XKR9: variants seen among roughly 807,000 people sequenced by gnomAD.
XKR9 encodes XK-related protein 9.
XKR9 carries 32 observed loss-of-function variants against 32.0 expected under a neutral mutation model. The observed-to-expected ratio is 1.00, with a 90% confidence interval of 0.76 to 1.34. XKR9 has a LOEUF of 1.34. Ranked by LOEUF, XKR9 falls within the 40% of genes most tolerant of loss-of-function variation. The probability of loss-of-function intolerance (pLI) is 0.00; values close to 1 mark genes in which losing one functional copy is unlikely to be tolerated. For missense variants in XKR9, 546 were observed against 429.7 expected (o/e 1.27, Z -2.39); for synonymous variants, 168 against 143.4 (o/e 1.17, Z -1.22).
At chr8:70,815,171 T>G in the XKR9 span, among the ~76,000 whole-genome samples, 2 of 151,756 alleles carry the variant, frequency 1.3e-5, no homozygotes, top group African/African-American at 4.8e-5. Flanking sequence ...TTATTTTTAA[T>G]TTTTTTAACT....
rs930598325 is a variant in XKR9, at chr8:70,696,852, A to C, written c.273-10081A>C. Among the ~76,000 whole-genome samples the C allele has an allele frequency of 1.0e-3, 150 of 150,720 alleles. 1 individual carries two copies. The highest frequency in any genetic ancestry group is 6.8e-3 in the Middle Eastern group (2 of 294). Reference sequence around the variant, plus strand: ...CTTCCGTTTGTTTGTATCCTCTTTTATTTCATTGAGCAGTGGTTTGTAGTT... The same window carrying C: ...CTTCCGTTTGTTTGTATCCTCTTTTCTTTCATTGAGCAGTGGTTTGTAGTT... On this transcript the variant is annotated intron_variant, in intron 3 of 4. Coordinates refer to ENST00000408926, the MANE Select transcript of XKR9 (RefSeq NM_001011720.2).
the XKR9 span, among the ~76,000 whole-genome samples, chr8:70,813,709 C>T: frequency 2.0e-5 from 3 of 152,282 alleles, no homozygotes; most frequent in South Asian, 6.2e-4. Flanking sequence ...TCATCACTGG[C>T]CGTCAGAGAA....
intron 4 of XKR9, among the ~76,000 whole-genome samples, chr8:70,718,604 G>A (rs1471278070): frequency 1.3e-5 from 2 of 152,120 alleles, no homozygotes; most frequent in African/African-American, 4.8e-5. Context: ...AGTTTGCTGA[G>A]AATGATGGTT....
At chr8:71,042,488 A>G in the XKR9 span, among the ~76,000 whole-genome samples, 2 of 152,152 alleles carry the variant, frequency 1.3e-5, no homozygotes, top group African/African-American at 4.8e-5. Flanking sequence ...TAAGATTAGG[A>G]TAGTAACAGT....
intron 4 of XKR9, among the ~76,000 whole-genome samples, chr8:70,718,582 T>C (rs1443626882): frequency 6.6e-6 from 1 of 152,188 alleles, no homozygotes; most frequent in African/African-American, 2.4e-5. Flanking sequence ...TTTGGATTTC[T>C]CTTCCTGTGT....
At chr8:70,967,742 T>A in the XKR9 span, among the ~76,000 whole-genome samples, 3 of 152,222 alleles carry the variant, frequency 2.0e-5, no homozygotes, top group South Asian at 2.1e-4. Context: ...TTTTTTTTTT[T>A]AAGAATGTTG....
chr8:70,683,957 T>C (rs552764883), intron 3 of XKR9, among the ~76,000 whole-genome samples: 24 of 152,354 alleles, frequency 1.6e-4, no homozygotes, highest in Non-Finnish European at 2.9e-4. Context: ...TGAGTAGTTA[T>C]GTTCTCTCTG....
chr8:70,930,935 G>A, the XKR9 span, among the ~76,000 whole-genome samples: 5 of 152,146 alleles, frequency 3.3e-5, no homozygotes, highest in Non-Finnish European at 7.4e-5. Flanking sequence ...TTCTGGTGAA[G>A]AAGTTAGGGG....
intron 2 of XKR9, among the ~76,000 whole-genome samples, chr8:70,783,799 T>A (rs1807647538): frequency 6.6e-6 from 1 of 152,158 alleles, no homozygotes; most frequent in South Asian, 2.1e-4. Flanking sequence ...TGTTTTATAG[T>A]TTTTCTCCTA....
At chr8:71,034,223 G>C in the XKR9 span, among the ~76,000 whole-genome samples, 2 of 152,218 alleles carry the variant, frequency 1.3e-5, no homozygotes, top group East Asian at 3.9e-4. Flanking sequence ...TTAGATCATG[G>C]GGGTGGTCCC....
chr8:70,983,866 T>C, the XKR9 span, among the ~76,000 whole-genome samples: 2 of 151,644 alleles, frequency 1.3e-5, no homozygotes, highest in African/African-American at 4.9e-5. Flanking sequence ...ATAAATCAAT[T>C]GAACTTTTGC....
rs28751918 is a variant in XKR9, at chr8:70,683,803, T to G, written c.272+2473T>G. ...ATGTTCGGCCCTAGAATTACTTTAC[T>G]TCTGCCTTCCTGAGGTCTGCCTTTT... On this transcript the variant is annotated intron_variant, in intron 3 of 4. Coordinates refer to ENST00000408926, the MANE Select transcript of XKR9 (RefSeq NM_001011720.2). Among the ~76,000 whole-genome samples, 927 of 152,364 alleles carry G rather than the reference T, an allele frequency of 6.1e-3. 10 individuals carry two copies. The highest frequency in any genetic ancestry group is 0.021 in the African/African-American group (884 of 41,590).
chr8:70,906,128 C>A, the XKR9 span, among the ~76,000 whole-genome samples: 1 of 152,160 alleles, frequency 6.6e-6, no homozygotes, highest in East Asian at 1.9e-4. Context: ...AAACTCTGTG[C>A]TGGGAGAAGC....
At position 70,776,923 on chromosome 8, in the gene XKR9, T is replaced by TTCTTTCTCTCTCTCTC. The variant is rs1554556844; in HGVS notation, n.353-12413_353-12412insTTCTCTCTCTCTCTCT. 4.4e-4 allele frequency among the ~76,000 whole-genome samples: 26 copies of TTCTTTCTCTCTCTCTC among 59,622 alleles called. 2 individuals are homozygous for TTCTTTCTCTCTCTCTC. Among genetic ancestry groups the TTCTTTCTCTCTCTCTC allele is most frequent in the African/African-American group, 1.7e-3 (24 of 13,734 alleles). The allele number at this position is 59,622 out of a possible 152,430, so 39.1% of individuals were successfully genotyped here. ...TGCATTTAGCAGGTTTTCTCTTTCT[T>TTCTTTCTCTCTCTCTC]TCTCTCTCTCTCTCTCTCTCTCTCT... On this transcript the variant is annotated intron_variant and non_coding_transcript_variant, in intron 2 of 3. Transcript: ENST00000520273.
intron 2 of XKR9, among the ~76,000 whole-genome samples, chr8:70,771,589 T>C (rs1018950927): frequency 6.6e-6 from 1 of 152,226 alleles, no homozygotes; most frequent in African/African-American, 2.4e-5. Context: ...AAAAATATTA[T>C]GCTTTTTTCC....
chr8:70,819,686 G>T, the XKR9 span, among the ~76,000 whole-genome samples: 1 of 152,170 alleles, frequency 6.6e-6, no homozygotes. Flanking sequence ...AAGGTACTTT[G>T]TATCCTGGAA....
chr8:70,919,006 T>C, the XKR9 span, among the ~76,000 whole-genome samples: 1 of 151,960 alleles, frequency 6.6e-6, no homozygotes, highest in Non-Finnish European at 1.5e-5. Flanking sequence ...CTCAATTTCC[T>C]GACCTCGTGA....
chr8:70,796,956 C>CA, the XKR9 span, among the ~76,000 whole-genome samples: 2 of 151,738 alleles, frequency 1.3e-5, no homozygotes, highest in Admixed American at 6.6e-5. Context: ...GCCTTGTGAA[C>CA]AAAAAAAATT....
chr8:70,944,442 G>C, the XKR9 span, among the ~76,000 whole-genome samples: 1 of 152,150 alleles, frequency 6.6e-6, no homozygotes, highest in Non-Finnish European at 1.5e-5. Context: ...GTTATGAGGG[G>C]AAAAATTACC....
Sources: allele counts gnomAD v4.1 joint callset (sites outside exome capture counted in the v4.1 genomes callset), GRCh38; gene constraint gnomAD v4.1.1; transcripts MANE v1.5; gene names NCBI Gene and HGNC (gene_info 2026-07-23, HGNC 2026-07-21).